The following CEP95 variants were observed in gnomAD, a reference collection of about 807,000 sequenced individuals.
CEP95 encodes centrosomal protein 95.
In CEP95, 98 loss-of-function variants were observed where a neutral mutation model predicts 111.2. The observed-to-expected ratio is 0.88, with a 90% CI of 0.75 to 1.04. The LOEUF is 1.04. Among genes scored for constraint, CEP95 ranks in the 50% least tolerant of loss-of-function variants. CEP95 has a pLI of 0.00. For synonymous variants in CEP95, 323 were observed against 327.1 expected (o/e 0.99, Z 0.14); for missense variants, 1,027 against 977.2 (o/e 1.05, Z -0.68).
chr17:64,537,014 A>G lies in CEP95; in HGVS notation c.2218-27A>G, dbSNP rs141618119. 5.4e-4 allele frequency: 853 copies of G among 1,567,612 alleles called. 7 individuals are homozygous for G. The African/African-American group carries it at 9.6e-3, about 18-fold the overall frequency. The stretch of plus-strand genomic sequence containing the variant: ...TTGGACTACAAACATTAAATATAAT[A>G]TTTGTTTTTTTTCTTCCTATAAACA... On this transcript the variant is annotated intron_variant, in intron 18 of 19. Coordinates refer to ENST00000556440, the MANE Select transcript of CEP95 (RefSeq NM_138363.3).
At chr17:64,536,970 A>C in intron 18 of CEP95, 71 bp from the exon 19 acceptor site, 1 of 1,422,746 alleles carries the variant, frequency 7.0e-7, no homozygotes, top group East Asian at 2.5e-5. Flanking sequence ...AAGCCTGTGA[A>C]CATTAAGAAA....
intron 1 of CEP95, 138 bp from the exon 2 acceptor site, chr17:64,508,454 C>CT: frequency 8.6e-7 from 1 of 1,166,818 alleles, no homozygotes; most frequent in African/African-American, 1.6e-5. Flanking sequence ...TTGAAATTCT[C>CT]TAACAATCAA....
intron 14 of CEP95, 156 bp from the exon 15 acceptor site, chr17:64,532,683 A>T: frequency 7.0e-7 from 1 of 1,434,692 alleles, no homozygotes; most frequent in East Asian, 2.5e-5. Context: ...GGCTTACTCC[A>T]ATCAGAGGAG....
At chr17:64,509,714 T>G (rs2038784594) in intron 2 of CEP95, among the ~76,000 whole-genome samples, 1 of 151,884 alleles carries the variant, frequency 6.6e-6, no homozygotes, top group Non-Finnish European at 1.5e-5. Context: ...TACATATGTG[T>G]ATATATAAGA....
chr17:64,530,665 C>T (rs1007891554), intron 12 of CEP95, among the ~76,000 whole-genome samples: 4 of 152,072 alleles, frequency 2.6e-5, no homozygotes, highest in Non-Finnish European at 4.4e-5. Context: ...TGTGCCACCA[C>T]GCCCAGCTAA....
At chr17:64,517,339 G>A (rs540292126) in intron 5 of CEP95, among the ~76,000 whole-genome samples, 27 of 151,970 alleles carry the variant, frequency 1.8e-4, no homozygotes, top group African/African-American at 6.0e-4. Flanking sequence ...GAGCCACCGC[G>A]CCTGGTCCCT....
At chr17:64,536,964 C>A in intron 18 of CEP95, 77 bp from the exon 19 acceptor site, 1 of 1,379,180 alleles carries the variant, frequency 7.3e-7, no homozygotes. Flanking sequence ...GATTTTAAGC[C>A]TGTGAACATT....
Position 64,521,495 on chromosome 17 carries a change from TGTCCAAGA to T in CEP95, c.686_693del (p.Ser229Ter). On this transcript the variant is annotated frameshift_variant, in exon 7 of 20. Coordinates refer to ENST00000556440, the MANE Select transcript of CEP95 (RefSeq NM_138363.3). LOFTEE classifies it high-confidence loss of function. The stretch of plus-strand genomic sequence containing the variant: ...GATATGTTGTACCCTCCTAGTGTTT[TGTCCAAGA>T]GTAGGACATCCTTTGTTGAAGACAG... 1.2e-6 allele frequency: 2 copies of T among 1,612,702 alleles called. No homozygotes were observed. Among genetic ancestry groups the T allele is most frequent in the Non-Finnish European group, 1.7e-6 (2 of 1,179,122 alleles).
In CEP95 at chr17:64,518,359, A is replaced by G. The variant is rs531550573; in HGVS notation, c.474-962A>G. Reference sequence around the variant, plus strand: ...CTTGAGGCTAGATTCAGAGTAAGACAGTGTAAATGTTTTAAGGCTAATAAT... The same window carrying G: ...CTTGAGGCTAGATTCAGAGTAAGACGGTGTAAATGTTTTAAGGCTAATAAT... On this transcript the variant is annotated intron_variant, in intron 5 of 19. Transcript: ENST00000556440. Among the ~76,000 whole-genome samples the G allele has an allele frequency of 3.3e-5, 5 of 152,308 alleles. No individual in the cohort carries two copies. In the South Asian group the frequency reaches 1.0e-3, roughly 32 times the overall value.
intron 10 of CEP95, 139 bp downstream of exon 10, chr17:64,526,339 GCAGGTAGAA>G: frequency 1.2e-6 from 1 of 841,508 alleles, no homozygotes; most frequent in Non-Finnish European, 1.7e-6. Flanking sequence ...CGTAAGTCAA[GCAGGTAGAA>G]CAGGAAGTGA....
chr17:64,534,763 C>A, intron 17 of CEP95, 26 bp downstream of exon 17: 1 of 1,601,166 alleles, frequency 6.2e-7, no homozygotes, highest in East Asian at 2.2e-5. Context: ...CTGTCCAGCC[C>A]TGTTAAGAAG....
chr17:64,529,459 A>G (rs781971948), intron 12 of CEP95, 32 bp downstream of exon 12: 11 of 1,609,136 alleles, frequency 6.8e-6, no homozygotes, highest in Non-Finnish European at 8.5e-6. Context: ...ACCATTAAGC[A>G]GCAGCCAGTA....
rs782289599 is a variant in CEP95 at position 64,525,806 on chromosome 17, C to G, written c.946C>G (p.Pro316Ala). The G allele has an allele frequency of 1.2e-6, 2 of 1,606,290 alleles. No homozygotes were observed. Among genetic ancestry groups the G allele is most frequent in the African/African-American group, 1.3e-5 (1 of 74,250 alleles). The change falls in exon 9 of 20, where the codon CCT becomes GCT. Residue 316 changes from proline to alanine, a missense_variant. Physicochemically the swap from Pro to Ala is conservative, Grantham distance 27 (BLOSUM62 -1). Transcript: ENST00000556440. ...TGGACTTTTCTTAATTTCCAAGTTG[C>G]CTAAAGGCAGCAAATGGGAAGTATA... The part of the protein sequence containing the change: ...DDGLFLISKL[P>A]KGSKWEVYPA...
chr17:64,535,704 T>C (rs1387004479), intron 17 of CEP95: 2 of 152,176 alleles, frequency 1.3e-5, no homozygotes, highest in Non-Finnish European at 2.9e-5. Flanking sequence ...AAAGGTCATA[T>C]AGAGTTACCC....
intron 3 of CEP95, 162 bp from the exon 4 acceptor site, chr17:64,514,086 C>T: frequency 2.3e-6 from 1 of 429,430 alleles, no homozygotes; most frequent in Non-Finnish European, 4.2e-6. Context: ...AATTGTTTCA[C>T]CTGTATTCTT....
chr17:64,518,889 C>T (rs576042803), intron 5 of CEP95, among the ~76,000 whole-genome samples: 1 of 152,222 alleles, frequency 6.6e-6, no homozygotes, highest in African/African-American at 2.4e-5. Context: ...ACTATGTTGG[C>T]CAGGCTGGTC....
Position 64,519,328 on chromosome 17 carries a change from T to C in CEP95, c.481T>C (p.Leu161=), listed in dbSNP as rs781899752. 2 of 1,613,462 alleles carry C rather than the reference T, an allele frequency of 1.2e-6. No homozygotes were observed. Among genetic ancestry groups the C allele is most frequent in the Non-Finnish European group, 1.7e-6 (2 of 1,179,448 alleles). The change falls in exon 6 of 20, where the codon TTG becomes CTG. Residue 161 remains leucine, a synonymous_variant. Coordinates refer to ENST00000556440, the MANE Select transcript of CEP95 (RefSeq NM_138363.3). The stretch of plus-strand genomic sequence containing the variant: ...AGGAGGGAACTTTTCCAGGTGCTCC[T>C]TGTCTTCTGAGATGTTGGGCCCCTC... ...WKRVSFGRCS[L]SSEMLGPSWD... is the part of the protein sequence containing the mutation.
chr17:64,510,162 T>G lies in CEP95; in HGVS notation c.149-11T>G. The G allele has an allele frequency of 2.1e-6, 3 of 1,448,094 alleles. No homozygotes were observed. Among genetic ancestry groups the G allele is most frequent in the Non-Finnish European group, 2.9e-6 (3 of 1,040,098 alleles). 89.7% of individuals were successfully genotyped at this position (1,448,094 alleles called of 1,614,324 possible). ...ATGGATACAAAATTATGTGATTTTT[T>G]CCCCCCCCAGACCTCATAGTTATTC... On this transcript the variant is annotated splice_polypyrimidine_tract_variant and intron_variant, in intron 2 of 19. Transcript: ENST00000556440.
chr17:64,533,034 A>G lies in CEP95; in HGVS notation c.1842+26A>G, dbSNP rs782242900. On this transcript the variant is annotated intron_variant, in intron 15 of 19. Transcript: ENST00000556440. Reference sequence around the variant, plus strand: ...GTAAGTTACTGTCAGTCTTAAGCATAGGAATTTAAATGAGAAGAGCTTATC... The same window carrying G: ...GTAAGTTACTGTCAGTCTTAAGCATGGGAATTTAAATGAGAAGAGCTTATC... 5.0e-6 allele frequency: 8 copies of G among 1,606,130 alleles called. No homozygotes were observed. In the South Asian group the frequency reaches 9.0e-5, roughly 18 times the overall value.
Sources: allele counts gnomAD v4.1 joint callset (sites outside exome capture counted in the v4.1 genomes callset), GRCh38; gene constraint gnomAD v4.1.1; transcripts MANE v1.5; gene names NCBI Gene and HGNC (gene_info 2026-07-23, HGNC 2026-07-21).